MACROH2A1: variants seen among roughly 807,000 people sequenced by gnomAD.
The protein encoded by MACROH2A1 is macroH2A.1 histone.
In MACROH2A1, 2 loss-of-function variants were observed where a neutral mutation model predicts 31.6. The observed-to-expected ratio is 0.06, with a 90% CI of 0.03 to 0.20. MACROH2A1 has a LOEUF of 0.20. MACROH2A1 is among the 10% of genes least tolerant of loss of function. The pLI is 1.00. For synonymous variants in MACROH2A1, 169 were observed against 189.6 expected (o/e 0.89, Z 0.89); for missense variants, 230 against 474.0 (o/e 0.49, Z 4.78).
chr5:135,396,036 T>C lies in MACROH2A1; in HGVS notation c.-34+3026A>G, dbSNP rs1023841644. 7.2e-5 allele frequency among the ~76,000 whole-genome samples: 11 copies of C among 152,180 alleles called. 1 individual carries two copies. Among genetic ancestry groups the C allele is most frequent in the Non-Finnish European group, 1.5e-5 (1 of 68,032 alleles). On this transcript the variant is annotated intron_variant, in intron 1 of 8. Coordinates refer to ENST00000511689, the MANE Select transcript of MACROH2A1 (RefSeq NM_138610.3). Reference sequence around the variant, plus strand: ...CAAGAAACAGTTTTGGGGAAGCTAGTCTGGGATTGAAATTTCACCTCTGCA... The same window carrying C: ...CAAGAAACAGTTTTGGGGAAGCTAGCCTGGGATTGAAATTTCACCTCTGCA...
rs1758422985 is a variant in MACROH2A1 at position 135,335,144 on chromosome 5, GGAGAA to G, written c.954-8_954-4del. The G allele has an allele frequency of 6.2e-7, 1 of 1,613,444 alleles. No individual in the cohort carries two copies. Among genetic ancestry groups the G allele is most frequent in the Non-Finnish European group, 8.5e-7 (1 of 1,179,394 alleles). ...CTGTCTGCTTTGGAAAACCGTTCCT[GGAGAA>G]GAGAAGATAAGCACTCAGCAACTGG... is the stretch of plus-strand genomic sequence containing the variant. On this transcript the variant is annotated splice_polypyrimidine_tract_variant and splice_region_variant and intron_variant, in intron 8 of 8. Transcript: ENST00000511689.
At chr5:135,344,457 G>C (rs1760491025) in intron 7 of MACROH2A1, 2 of 152,088 alleles carry the variant, frequency 1.3e-5, no homozygotes, top group Non-Finnish European at 2.9e-5. Flanking sequence ...AGCGATTTGT[G>C]GGTAGTGTCT....
chr5:135,336,539 C>CAA (rs1758710841), intron 8 of MACROH2A1, among the ~76,000 whole-genome samples: 1 of 152,238 alleles, frequency 6.6e-6, no homozygotes, highest in Non-Finnish European at 1.5e-5. Context: ...CCAGCGCATA[C>CAA]AACTCTTCCC....
chr5:135,383,700 GGTGTGTGTGTGTGTGTGTGTGTGTGT>G (rs61338247), intron 2 of MACROH2A1, among the ~76,000 whole-genome samples: 1 of 137,150 alleles, frequency 7.3e-6, no homozygotes, highest in Non-Finnish European at 1.6e-5. Flanking sequence ...GATGTGGTGT[GGTGTGTGTGTGTGTGTGTGTGTGTGT>G]GTGTGTGTGT....
At chr5:135,394,723 G>A (rs141425306) in intron 1 of MACROH2A1, among the ~76,000 whole-genome samples, 1 of 152,198 alleles carries the variant, frequency 6.6e-6, no homozygotes, top group African/African-American at 2.4e-5. Flanking sequence ...TTAGCACTCA[G>A]TGCATGGTAT....
At chr5:135,377,155 G>A (rs76285792) in intron 2 of MACROH2A1, among the ~76,000 whole-genome samples, 2,513 of 152,298 alleles carry the variant, frequency 0.017, 36 homozygotes, top group Non-Finnish European at 0.027. Flanking sequence ...ACAGCAGAGC[G>A]TGCAGAGCCA....
chr5:135,379,336 A>T (rs1052130751), intron 2 of MACROH2A1, among the ~76,000 whole-genome samples: 2 of 152,178 alleles, frequency 1.3e-5, no homozygotes, highest in Non-Finnish European at 2.9e-5. Context: ...TGGAAGATGC[A>T]CTTGCCTAAA....
Position 135,369,682 on chromosome 5 carries a change from C to A in MACROH2A1, c.280-79G>T. On this transcript the variant is annotated intron_variant, in intron 3 of 8. Coordinates refer to ENST00000511689, the MANE Select transcript of MACROH2A1 (RefSeq NM_138610.3). This position sits in a 1 kb window ranked among gnomAD's most constrained non-coding sequence, Gnocchi z 4.3. ...TTCAAGAAGCCAGCCCTGCCCAGGA[C>A]AGTCTTGCTTTGGGTTGGTGCAGCT... is the stretch of plus-strand genomic sequence containing the variant. 2 of 1,201,554 alleles carry A rather than the reference C, an allele frequency of 1.7e-6. No homozygotes were observed. The highest frequency in any genetic ancestry group is 1.2e-6 in the Non-Finnish European group (1 of 815,956). The allele number at this position is 1,201,554 out of a possible 1,614,324, so 74.4% of individuals were successfully genotyped here.
At chr5:135,366,973 C>T (rs1402532648) in intron 4 of MACROH2A1, among the ~76,000 whole-genome samples, 1 of 152,184 alleles carries the variant, frequency 6.6e-6, no homozygotes, top group Non-Finnish European at 1.5e-5. Flanking sequence ...CTTCTCCAAC[C>T]ATTTCCACTA....
chr5:135,341,783 T>G (rs147294031), intron 8 of MACROH2A1, among the ~76,000 whole-genome samples: 95 of 152,344 alleles, frequency 6.2e-4, no homozygotes, highest in Non-Finnish European at 1.2e-3. Context: ...GGAAGGAAAG[T>G]GCTTTGCAGA....
At chr5:135,392,967 CA>C (rs1942761413) in intron 1 of MACROH2A1, among the ~76,000 whole-genome samples, 1 of 152,144 alleles carries the variant, frequency 6.6e-6, no homozygotes, top group African/African-American at 2.4e-5. Flanking sequence ...CAGTAGTTAA[CA>C]AAAACAATAA....
chr5:135,376,051 C>T (rs1345228628), intron 2 of MACROH2A1, among the ~76,000 whole-genome samples: 1 of 152,200 alleles, frequency 6.6e-6, no homozygotes, highest in Non-Finnish European at 1.5e-5. Flanking sequence ...GGGTCTGAAG[C>T]TTGCCCAGCC....
rs762011295 is a variant in MACROH2A1, at chr5:135,369,517, T to G, written c.366A>C (p.Gly122=). The change falls in exon 4 of 9, where the codon GGA becomes GGC. Residue 122 remains glycine (G), a synonymous_variant. Transcript: ENST00000511689. The surrounding 1 kb of genome is among the most constrained non-coding windows in gnomAD (Gnocchi z 4.3). ...GTGGTGTGATGATGGCTTCCAACTT[T>G]CCTTTGGATCCCCGCTTCTTCGCTA... is the stretch of plus-strand genomic sequence containing the variant. ...ELLAKKRGSK[G]KLEAIITPPP... The G allele has an allele frequency of 6.2e-7, 1 of 1,614,114 alleles. No homozygotes were observed. Among genetic ancestry groups the G allele is most frequent in the South Asian group, 1.1e-5 (1 of 91,084 alleles).
At position 135,353,306 on chromosome 5, in the gene MACROH2A1, C is replaced by G. The variant is rs556273223; in HGVS notation, c.589-261G>C. ...AAAAGGAAGCACAAGCCACAGTGGA[C>G]GAGGAGATCAGCTTTCCTTTAAAGG... On this transcript the variant is annotated intron_variant, in intron 5 of 8. Coordinates refer to ENST00000511689, the MANE Select transcript of MACROH2A1 (RefSeq NM_138610.3). The G allele has an allele frequency of 1.6e-5, 7 of 437,168 alleles. No homozygotes were observed. The East Asian group carries it at 1.7e-4, about 11-fold the overall frequency. 27.1% of individuals were successfully genotyped at this position (437,168 alleles called of 1,614,324 possible). A position where few individuals can be genotyped will look rare whatever the true frequency, so the allele number is the denominator to read the frequency against.
At chr5:135,388,337 C>T (rs540097034) in intron 2 of MACROH2A1, among the ~76,000 whole-genome samples, 236 of 152,250 alleles carry the variant, frequency 1.6e-3, no homozygotes, top group African/African-American at 5.4e-3. Context: ...GGACAAACCA[C>T]GTCAGGTGCC....
At chr5:135,351,085 G>A (rs1242315715) in intron 6 of MACROH2A1, 3 of 489,860 alleles carry the variant, frequency 6.1e-6, no homozygotes, top group East Asian at 6.1e-5. Flanking sequence ...GTGAGGACAG[G>A]AGGAGGAGGA....
intron 7 of MACROH2A1, 108 bp downstream of exon 7, chr5:135,345,860 T>A: frequency 2.7e-6 from 2 of 739,834 alleles, no homozygotes; most frequent in South Asian, 1.5e-5. Flanking sequence ...ATCTTGAAGA[T>A]GCGGCTGTGC....
chr5:135,377,878 G>T (rs1765107486), intron 2 of MACROH2A1, among the ~76,000 whole-genome samples: 1 of 152,166 alleles, frequency 6.6e-6, no homozygotes, highest in African/African-American at 2.4e-5. Flanking sequence ...TTCTGAGCAT[G>T]CGAAGACTTT....
rs1246414945 is a variant in MACROH2A1 at position 135,375,428 on chromosome 5, T to C, written c.173-5286A>G. On this transcript the variant is annotated intron_variant, in intron 2 of 8. Transcript: ENST00000511689. ...CATGAATACCTTTGACAGGTCTACT[T>C]TGCAAGTCCACCCAGAGACGAAAGG... Among the ~76,000 whole-genome samples the C allele has an allele frequency of 3.9e-5, 6 of 152,378 alleles. No individual in the cohort carries two copies. In the East Asian group the frequency reaches 9.6e-4, roughly 24 times the overall value.
Sources: gnomAD v4.1 joint callset for allele counts (sites outside exome capture counted in the v4.1 genomes callset) on GRCh38, gnomAD v4.1.1 for gene constraint, Gnocchi (gnomAD v3.1) non-coding constraint, MANE v1.5 for transcripts, NCBI Gene and HGNC (gene_info 2026-07-23, HGNC 2026-07-21) for gene names.